The following SLC24A2 variants were observed in gnomAD, a reference collection of about 807,000 sequenced individuals.
SLC24A2 encodes solute carrier family 24 member 2, also known as sodium/potassium/calcium exchanger 2.
In SLC24A2, 36 loss-of-function variants were observed where a neutral mutation model predicts 62.0. The ratio of observed to expected loss-of-function variants is 0.58; its 90% CI spans 0.44 to 0.77. The LOEUF is 0.77. SLC24A2 is among the 30% of genes least tolerant of loss of function. SLC24A2 has a pLI of 0.00. For synonymous variants in SLC24A2, 358 were observed against 294.0 expected (o/e 1.22, Z -2.23); for missense variants, 846 against 817.9 (o/e 1.03, Z -0.42).
At chr9:20,276,181 C>A in the SLC24A2 span, among the ~76,000 whole-genome samples, 155 of 152,300 alleles carry the variant, frequency 1.0e-3, 2 homozygotes, top group East Asian at 0.029. Flanking sequence ...ATGAGACAAG[C>A]TAAGTCGCTT....
rs1586990187 is a variant in SLC24A2, at chr9:19,579,225, G to GA, written c.1130-2204_1130-2203insT. Among the ~76,000 whole-genome samples, 4 of 152,048 alleles carry GA rather than the reference G, an allele frequency of 2.6e-5. No homozygotes were observed. In the East Asian group the frequency reaches 7.7e-4, roughly 29 times the overall value. The stretch of plus-strand genomic sequence containing the variant: ...TGGTAAAGAAGAACAAGAACAGAAA[G>GA]GAAAAATAGAGAAAAAGAAATGCAA... On this transcript the variant is annotated intron_variant, in intron 5 of 10. Coordinates refer to ENST00000341998, the MANE Select transcript of SLC24A2 (RefSeq NM_020344.4).
At chr9:20,290,559 G>C in the SLC24A2 span, among the ~76,000 whole-genome samples, 1 of 152,242 alleles carries the variant, frequency 6.6e-6, no homozygotes, top group African/African-American at 2.4e-5. Flanking sequence ...CACAGAGAAA[G>C]CTTAGCGCTT....
chr9:20,104,627 T>C, the SLC24A2 span, among the ~76,000 whole-genome samples: 1 of 152,096 alleles, frequency 6.6e-6, no homozygotes, highest in African/African-American at 2.4e-5. Context: ...AGAAATAAAA[T>C]ACTTTACAGA....
At chr9:19,977,547 A>G in the SLC24A2 span, among the ~76,000 whole-genome samples, 1 of 152,138 alleles carries the variant, frequency 6.6e-6, no homozygotes, top group Non-Finnish European at 1.5e-5. Context: ...CCTTGTATAG[A>G]GAATAGTCTG....
chr9:19,631,985 A>G (rs1818192339), intron 2 of SLC24A2, among the ~76,000 whole-genome samples: 1 of 152,166 alleles, frequency 6.6e-6, no homozygotes, highest in Non-Finnish European at 1.5e-5. Flanking sequence ...CATGCAGTGA[A>G]GTGGAGAACA....
the SLC24A2 span, among the ~76,000 whole-genome samples, chr9:19,876,619 T>C: frequency 0.016 from 2,364 of 152,280 alleles, 57 homozygotes; most frequent in African/African-American, 0.054. Flanking sequence ...TTGTAAGAAA[T>C]AGTTTTATAA....
intron 2 of SLC24A2, among the ~76,000 whole-genome samples, chr9:19,645,861 G>A (rs1818625081): frequency 6.6e-6 from 1 of 152,180 alleles, no homozygotes; most frequent in African/African-American, 2.4e-5. Context: ...TTTTAAAGAA[G>A]AAGAAAAGGA....
At chr9:20,271,997 A>C in the SLC24A2 span, among the ~76,000 whole-genome samples, 632 of 152,308 alleles carry the variant, frequency 4.1e-3, 6 homozygotes, top group African/African-American at 0.014. Context: ...ATTAGATCGC[A>C]TTCACTTTTT....
chr9:19,973,215 T>C, the SLC24A2 span, among the ~76,000 whole-genome samples: 1 of 152,194 alleles, frequency 6.6e-6, no homozygotes, highest in Non-Finnish European at 1.5e-5. Context: ...CTACCAGTGT[T>C]CTTGTGTAGC....
chr9:19,561,408 C>A (rs897088214), intron 7 of SLC24A2, among the ~76,000 whole-genome samples: 1 of 150,448 alleles, frequency 6.6e-6, no homozygotes, highest in Non-Finnish European at 1.5e-5. Context: ...CCTAAACCAA[C>A]AGAGCTAACA....
intron 2 of SLC24A2, among the ~76,000 whole-genome samples, chr9:19,769,132 C>G (rs771702022): frequency 6.6e-5 from 10 of 152,144 alleles, no homozygotes; most frequent in Non-Finnish European, 1.3e-4. Flanking sequence ...ACTTGAAACC[C>G]ACTCCTCCTG....
At chr9:19,569,659 G>C (rs1467327139) in intron 7 of SLC24A2, among the ~76,000 whole-genome samples, 1 of 152,024 alleles carries the variant, frequency 6.6e-6, no homozygotes, top group Non-Finnish European at 1.5e-5. Flanking sequence ...GTGGCGCCAG[G>C]GATCTTTTAC....
At chr9:20,240,283 C>A in the SLC24A2 span, among the ~76,000 whole-genome samples, 1 of 152,146 alleles carries the variant, frequency 6.6e-6, no homozygotes, top group Non-Finnish European at 1.5e-5. Context: ...AAGGAGCCTG[C>A]CTAGATGAGA....
At chr9:19,731,941 C>A (rs1199811894) in intron 2 of SLC24A2, among the ~76,000 whole-genome samples, 1 of 152,158 alleles carries the variant, frequency 6.6e-6, no homozygotes, top group East Asian at 1.9e-4. Flanking sequence ...AATATTATCT[C>A]TTTTGTCTGT....
intron 2 of SLC24A2, among the ~76,000 whole-genome samples, chr9:19,750,638 G>C (rs1485858850): frequency 2.0e-5 from 3 of 152,050 alleles, no homozygotes; most frequent in African/African-American, 7.2e-5. Flanking sequence ...TTTATAAAAT[G>C]CAATTTTGAG....
chr9:19,681,805 T>C (rs1467518267), intron 2 of SLC24A2, among the ~76,000 whole-genome samples: 1 of 152,196 alleles, frequency 6.6e-6, no homozygotes, highest in Non-Finnish European at 1.5e-5. Flanking sequence ...TTCAGAGACA[T>C]ATTGAGGATC....
At chr9:19,578,049 G>A (rs991146072) in intron 5 of SLC24A2, among the ~76,000 whole-genome samples, 1 of 151,312 alleles carries the variant, frequency 6.6e-6, no homozygotes, top group African/African-American at 2.4e-5. Context: ...AGGATGCAAA[G>A]GCATAAGAAT....
chr9:19,770,685 C>T (rs1330849136), intron 2 of SLC24A2, among the ~76,000 whole-genome samples: 1 of 152,070 alleles, frequency 6.6e-6, no homozygotes, highest in Non-Finnish European at 1.5e-5. Context: ...TGTAGTGAGA[C>T]AGTAGCACAT....
the SLC24A2 span, among the ~76,000 whole-genome samples, chr9:19,829,525 C>T: frequency 3.9e-5 from 6 of 151,936 alleles, no homozygotes; most frequent in East Asian, 1.9e-4. Context: ...CCCACCTTAC[C>T]GCAGCTGTTA....
Sources: gnomAD v4.1 joint callset for allele counts (sites outside exome capture counted in the v4.1 genomes callset) on GRCh38, gnomAD v4.1.1 for gene constraint, MANE v1.5 for transcripts, NCBI Gene and HGNC (gene_info 2026-07-23, HGNC 2026-07-21) for gene names.